Variants in ADCY2 observed in about 807,000 individuals in gnomAD.
The protein encoded by ADCY2 is adenylate cyclase 2.
A neutral mutation model predicts 125.2 loss-of-function variants in ADCY2; 31 were observed. The ratio of observed to expected loss-of-function variants is 0.25; its 90% CI spans 0.19 to 0.33. ADCY2 has a LOEUF of 0.33. Ranked by LOEUF, ADCY2 falls within the 10% of genes least tolerant of loss-of-function variation. The pLI is 1.00. For synonymous variants in ADCY2, 512 were observed against 548.4 expected (o/e 0.93, Z 0.93); for missense variants, 904 against 1,418.2 (o/e 0.64, Z 5.82).
At chr5:7,544,229 A>C (rs1406342475) in intron 3 of ADCY2, among the ~76,000 whole-genome samples, 1 of 152,276 alleles carries the variant, frequency 6.6e-6, no homozygotes, top group South Asian at 2.1e-4. Context: ...AGCAGGCAGC[A>C]TTGGTTTCCA....
At chr5:7,752,520 ACTTCT>A (rs1489314908) in intron 15 of ADCY2, among the ~76,000 whole-genome samples, 1 of 151,808 alleles carries the variant, frequency 6.6e-6, no homozygotes, top group Non-Finnish European at 1.5e-5. Flanking sequence ...ATGAGCTTCT[ACTTCT>A]CTTCAAGTGT....
intron 1 of ADCY2, among the ~76,000 whole-genome samples, chr5:7,405,059 G>T (rs1376603774): frequency 6.6e-6 from 1 of 152,080 alleles, no homozygotes; most frequent in East Asian, 1.9e-4. Flanking sequence ...CTGCCATACT[G>T]TATTGATTGA....
intron 2 of ADCY2, among the ~76,000 whole-genome samples, chr5:7,415,760 C>T (rs1739917130): frequency 6.6e-6 from 1 of 152,086 alleles, no homozygotes; most frequent in Non-Finnish European, 1.5e-5. Context: ...TGTAGTGCTG[C>T]TGCTATGTGG....
intron 2 of ADCY2, among the ~76,000 whole-genome samples, chr5:7,471,287 G>C (rs1579476961): frequency 6.6e-6 from 1 of 151,794 alleles, no homozygotes; most frequent in African/African-American, 2.4e-5. Context: ...CTACAATTTT[G>C]GTAGCTGTTT....
At chr5:7,603,159 G>A (rs1051947149) in intron 3 of ADCY2, among the ~76,000 whole-genome samples, 9 of 152,204 alleles carry the variant, frequency 5.9e-5, no homozygotes, top group Admixed American at 2.6e-4. Flanking sequence ...CACAGAGGCC[G>A]TTCCTTCCTG....
intron 3 of ADCY2, among the ~76,000 whole-genome samples, chr5:7,600,411 A>C (rs1056666245): frequency 4.6e-5 from 7 of 152,198 alleles, no homozygotes; most frequent in African/African-American, 1.7e-4. Context: ...CCATTGGCAA[A>C]ACCTTGAGGA....
chr5:7,540,812 C>T (rs1579553639), intron 3 of ADCY2, among the ~76,000 whole-genome samples: 1 of 152,214 alleles, frequency 6.6e-6, no homozygotes, highest in East Asian at 1.9e-4. Flanking sequence ...CCTGCTTTCC[C>T]ACCTTCTATT....
chr5:7,585,550 TG>T (rs1736602720), intron 3 of ADCY2, among the ~76,000 whole-genome samples: 1 of 152,236 alleles, frequency 6.6e-6, no homozygotes, highest in Admixed American at 6.5e-5. Context: ...ACGTTTAAAC[TG>T]AAGTTTTCCA....
chr5:7,569,482 G>A (rs952759473), intron 3 of ADCY2, among the ~76,000 whole-genome samples: 2 of 152,140 alleles, frequency 1.3e-5, no homozygotes, highest in African/African-American at 4.8e-5. Context: ...TATGATCCAG[G>A]ATTGCTGAGG....
chr5:7,731,252 GAT>G (rs1491100612), intron 14 of ADCY2, among the ~76,000 whole-genome samples: 1 of 147,000 alleles, frequency 6.8e-6, no homozygotes, highest in African/African-American at 2.6e-5. Context: ...TTTCCTTGCA[GAT>G]TTTTTTTTTT....
chr5:7,819,898 G>T (rs1238426895), intron 23 of ADCY2, among the ~76,000 whole-genome samples: 3 of 152,184 alleles, frequency 2.0e-5, no homozygotes, highest in Non-Finnish European at 4.4e-5. Context: ...GCAATAATCA[G>T]TCCAGGCTCT....
At chr5:7,647,103 T>C (rs1046061829) in intron 4 of ADCY2, among the ~76,000 whole-genome samples, 2 of 152,212 alleles carry the variant, frequency 1.3e-5, no homozygotes, top group Non-Finnish European at 2.9e-5. Context: ...GAGCAGACTC[T>C]TTCCTTGTCC....
At chr5:7,558,815 G>A (rs1264808641) in intron 3 of ADCY2, among the ~76,000 whole-genome samples, 1 of 152,062 alleles carries the variant, frequency 6.6e-6, no homozygotes, top group Non-Finnish European at 1.5e-5. Context: ...CATAGTTTTG[G>A]GTTTTACATT....
chr5:7,544,119 G>A (rs550345405), intron 3 of ADCY2, among the ~76,000 whole-genome samples: 1 of 150,898 alleles, frequency 6.6e-6, no homozygotes, highest in Non-Finnish European at 1.5e-5. Flanking sequence ...TCTGGGTTGA[G>A]CCCCTTCCCC....
At chr5:7,490,662 T>C (rs1018777588) in intron 2 of ADCY2, among the ~76,000 whole-genome samples, 76 of 151,870 alleles carry the variant, frequency 5.0e-4, no homozygotes, top group Non-Finnish European at 5.9e-5. Context: ...CATGCATGCA[T>C]GCACACACAC....
chr5:7,816,309 G>A (rs1237370605), intron 22 of ADCY2, among the ~76,000 whole-genome samples: 2 of 152,328 alleles, frequency 1.3e-5, no homozygotes, highest in South Asian at 2.1e-4. Flanking sequence ...CTTGTCCTCC[G>A]TGAAGAAGAC....
In ADCY2 at chr5:7,826,803, G is replaced by C. The variant is rs1261521949; in HGVS notation, c.3208G>C (p.Asp1070His). The C allele has an allele frequency of 1.2e-6, 2 of 1,614,150 alleles. No individual in the cohort carries two copies. Among genetic ancestry groups the C allele is most frequent in the South Asian group, 2.2e-5 (2 of 91,070 alleles). The change falls in exon 25 of 25, where the codon GAC becomes CAC. Residue 1070 changes from aspartate (D) to histidine (H), a missense_variant. Around this residue, in one of 7 missense-constraint regions of ADCY2, gnomAD observed 181 missense variants for 381.6 expected, o/e 0.47. Transcript: ENST00000338316. The part of the protein sequence containing the change: ...RGIINVKGKG[D>H]LKTYFVNTEM... The stretch of plus-strand genomic sequence containing the variant: ...AATAATCAACGTGAAAGGAAAGGGG[G>C]ACCTGAAGACGTACTTTGTAAACAC...
intron 6 of ADCY2, 127 bp from the exon 7 acceptor site, chr5:7,698,120 T>G: frequency 1.8e-6 from 2 of 1,134,246 alleles, no homozygotes; most frequent in East Asian, 2.4e-5. Flanking sequence ...GCCCAACTGG[T>G]TCTCATTGCT....
At chr5:7,812,634 G>A (rs560110129) in intron 22 of ADCY2, among the ~76,000 whole-genome samples, 1 of 152,364 alleles carries the variant, frequency 6.6e-6, no homozygotes, top group South Asian at 2.1e-4. Context: ...TTGGCTGGGT[G>A]CAGTGGCTCG....
Sources: gnomAD v4.1 joint callset for allele counts (sites outside exome capture counted in the v4.1 genomes callset) on GRCh38, gnomAD v4.1.1 for gene constraint, gnomAD v4.1.1 regional missense constraint, MANE v1.5 for transcripts, NCBI Gene and HGNC (gene_info 2026-07-23, HGNC 2026-07-21) for gene names.